The following ATP1A3 variants were observed in gnomAD, a reference collection of about 807,000 sequenced individuals.
ATP1A3 encodes the protein ATPase Na+/K+ transporting subunit alpha 3.
A neutral mutation model predicts 108.8 loss-of-function variants in ATP1A3; 12 were observed. The ratio of observed to expected loss-of-function variants is 0.11; its 90% CI spans 0.07 to 0.18. The LOEUF (loss-of-function observed/expected upper bound fraction) is 0.18, where lower values mean the gene tolerates loss of function less well. Ranked by LOEUF, ATP1A3 falls within the 10% of genes least tolerant of loss-of-function variation. ATP1A3 has a pLI of 1.00. For missense variants in ATP1A3, 498 were observed against 1,387.7 expected (o/e 0.36, Z 10.19); for synonymous variants, 539 against 564.5 (o/e 0.95, Z 0.64).
chr19:41,993,169 T>TC, intron 1 of ATP1A3: 1 of 97,776 alleles, frequency 1.0e-5, no homozygotes, highest in South Asian at 1.9e-4. Flanking sequence ...CCCCCTCCTC[T>TC]CCTGATTCCC....
In ATP1A3 at chr19:41,981,996, T is replaced by C. The variant is rs782440210; in HGVS notation, c.1104A>G (p.Thr368=). 2 of 1,614,206 alleles carry C rather than the reference T, an allele frequency of 1.2e-6. No individual in the cohort carries two copies. The highest frequency in any genetic ancestry group is 2.2e-5 in the South Asian group (2 of 91,088). The change falls in exon 9 of 23, where the codon ACA becomes ACG. Residue 368 remains threonine (T), a synonymous_variant. Transcript: ENST00000648268. The surrounding 1 kb of genome is among the most constrained non-coding windows in gnomAD (Gnocchi z 5.0). The part of the protein sequence containing the change: ...GSTSTICSDK[T]GTLTQNRMTV... ...TCATGCGGTTCTGAGTGAGGGTCCCTGTCTTATCTGAGCAGATGGTGGACG... is the reference window on the plus strand; with the variant it reads ...TCATGCGGTTCTGAGTGAGGGTCCCCGTCTTATCTGAGCAGATGGTGGACG...
Position 41,978,274 on chromosome 19 carries a change from G to A in ATP1A3, c.1683C>T (p.Phe561=), listed in dbSNP as rs781866390. 12 of 1,612,606 alleles carry A rather than the reference G, an allele frequency of 7.4e-6. No homozygotes were observed. The highest frequency in any genetic ancestry group is 4.5e-5 in the East Asian group (2 of 44,826). Residue 561 remains phenylalanine, a synonymous_variant, in exon 13 of 23, where the codon TTC becomes TTT. Coordinates refer to ENST00000648268, the MANE Select transcript of ATP1A3 (RefSeq NM_152296.5). The surrounding 1 kb of genome is among the most constrained non-coding windows in gnomAD (Gnocchi z 8.3). ...TGGTGAAGTTCACGTCATCACAGTC[G>A]AAGGCAAAGCCCTTGGGGAACTGCT... ...PEEQFPKGFA[F]DCDDVNFTTD...
intron 1 of ATP1A3, chr19:41,991,057 A>C (rs931851251): frequency 2.0e-5 from 3 of 150,898 alleles, no homozygotes; most frequent in Non-Finnish European, 4.4e-5. Context: ...TGAACTGCGC[A>C]TGGTGTGAGT....
At chr19:41,980,523 A>G (rs556742014) in intron 11 of ATP1A3, among the ~76,000 whole-genome samples, 1 of 152,284 alleles carries the variant, frequency 6.6e-6, no homozygotes, top group South Asian at 2.1e-4. Context: ...CTGAGATATG[A>G]GAATCACTTG....
chr19:41,977,851 G>C, intron 14 of ATP1A3, 85 bp downstream of exon 14: 1 of 1,562,778 alleles, frequency 6.4e-7, no homozygotes, highest in Non-Finnish European at 8.7e-7. Flanking sequence ...GACAGGCAGT[G>C]CAGAGGGAGG....
chr19:41,968,159 A>G lies in ATP1A3; in HGVS notation c.2820-396T>C, dbSNP rs142393795. Among the ~76,000 whole-genome samples the G allele has an allele frequency of 2.1e-3, 321 of 152,208 alleles. No homozygotes were observed. The highest frequency in any genetic ancestry group is 7.6e-3 in the African/African-American group (314 of 41,526). On this transcript the variant is annotated intron_variant, in intron 20 of 22. Coordinates refer to ENST00000648268, the MANE Select transcript of ATP1A3 (RefSeq NM_152296.5). The surrounding 1 kb of genome is among the most constrained non-coding windows in gnomAD (Gnocchi z 5.0). ...CCAGGGGCACCTCCACCACACACAC[A>G]GAGGCTGAGAGAGAATCTAGGACAC...
intron 1 of ATP1A3, among the ~76,000 whole-genome samples, chr19:41,991,732 G>A (rs1361478815): frequency 6.6e-6 from 1 of 151,970 alleles, no homozygotes; most frequent in Admixed American, 6.5e-5. Flanking sequence ...AGAGGCTGGG[G>A]TCCTGGATCC....
Position 41,988,407 on chromosome 19 carries a change from G to A in ATP1A3, c.94-30C>T. On this transcript the variant is annotated intron_variant, in intron 2 of 22. Coordinates refer to ENST00000648268, the MANE Select transcript of ATP1A3 (RefSeq NM_152296.5). The surrounding 1 kb of genome is among the most constrained non-coding windows in gnomAD (Gnocchi z 5.3). ...GGAACAGGAGTTTGGGGGAGACGGT[G>A]AGTGCCTAGGCCAGCCAAGAACTGG... 6.2e-7 allele frequency: 1 copy of A among 1,614,198 alleles called. No individual in the cohort carries two copies. Among genetic ancestry groups the A allele is most frequent in the South Asian group, 1.1e-5 (1 of 91,086 alleles).
chr19:41,970,593 C>CCCTCTGCCCCT (rs781998828), intron 16 of ATP1A3, 51 bp from the exon 17 acceptor site: 4 of 1,605,676 alleles, frequency 2.5e-6, no homozygotes, highest in Non-Finnish European at 3.4e-6. Flanking sequence ...GAGCCCCACT[C>CCCTCTGCCCCT]CCTCTGCCCC....
At chr19:41,972,857 G>A (rs868975386) in intron 16 of ATP1A3, among the ~76,000 whole-genome samples, 93 of 130,670 alleles carry the variant, frequency 7.1e-4, no homozygotes, top group African/African-American at 2.5e-3. Context: ...AAGGAAGGAA[G>A]GAAAGAAGGA....
chr19:41,982,185 C>T (rs144037496), intron 8 of ATP1A3, 79 bp from the exon 9 acceptor site: 43 of 1,609,132 alleles, frequency 2.7e-5, no homozygotes, highest in Non-Finnish European at 3.4e-5. Flanking sequence ...AGGGCCACAG[C>T]CCAGCTGCCC....
chr19:41,992,413 G>A (rs1307503693), intron 1 of ATP1A3, among the ~76,000 whole-genome samples: 1 of 152,136 alleles, frequency 6.6e-6, no homozygotes, highest in African/African-American at 2.4e-5. Context: ...GCAGCTCCTT[G>A]CCATTTTCCA....
At chr19:41,983,754 T>C (rs1256171129) in intron 8 of ATP1A3, among the ~76,000 whole-genome samples, 1 of 146,870 alleles carries the variant, frequency 6.8e-6, no homozygotes, top group African/African-American at 2.5e-5. Context: ...CACGCCTGGC[T>C]AATTTAAAAA....
At position 41,977,949 on chromosome 19, in the gene ATP1A3, G is replaced by C. The variant is rs1555861946; in HGVS notation, c.1930C>G (p.Gln644Glu). The C allele has an allele frequency of 6.2e-7, 1 of 1,614,120 alleles. No individual in the cohort carries two copies. Among genetic ancestry groups the C allele is most frequent in the African/African-American group, 1.3e-5 (1 of 74,952 alleles). ...TGGGTGGCTCACCGGGGGTTAACCTGGCTGACGGGAATGTTGAGCCGGGCG... is the reference window on the plus strand; with the variant it reads ...TGGGTGGCTCACCGGGGGTTAACCTCGCTGACGGGAATGTTGAGCCGGGCG... ...IAARLNIPVS[Q>E]VNPRDAKACV... is the part of the protein sequence containing the mutation. The change falls in exon 14 of 23, where the codon CAG becomes GAG. Residue 644 changes from glutamine (Q) to glutamate (E), a missense_variant. Around this residue, in one of 9 missense-constraint regions of ATP1A3, gnomAD observed 31 missense variants for 132.5 expected, o/e 0.23. Transcript: ENST00000648268.
In ATP1A3 at chr19:41,982,245, C is replaced by T. The variant is rs552237985; in HGVS notation, c.994-139G>A. ...TGGAAAAGAATGAGGCAGCACCCAG[C>T]AATGCCACCCCCAATTCAGACCAAT... On this transcript the variant is annotated intron_variant, in intron 8 of 22. Coordinates refer to ENST00000648268, the MANE Select transcript of ATP1A3 (RefSeq NM_152296.5). 6.5e-6 allele frequency: 9 copies of T among 1,382,954 alleles called. No homozygotes were observed. The East Asian group carries it at 1.8e-4, about 28-fold the overall frequency. 85.7% of individuals were successfully genotyped at this position (1,382,954 alleles called of 1,614,324 possible).
chr19:41,976,589 T>C, intron 14 of ATP1A3, 23 bp from the exon 15 acceptor site: 2 of 1,613,386 alleles, frequency 1.2e-6, no homozygotes, highest in Non-Finnish European at 1.7e-6. Flanking sequence ...GAGAGAGCGA[T>C]GGCTGAGGTC....
Position 41,985,434 on chromosome 19 carries a change from G to A in ATP1A3, c.607-11C>T, listed in dbSNP as rs1555865079. 2 of 1,610,718 alleles carry A rather than the reference G, an allele frequency of 1.2e-6. No individual in the cohort carries two copies. Among genetic ancestry groups the A allele is most frequent in the Admixed American group, 1.7e-5 (1 of 60,022 alleles). On this transcript the variant is annotated splice_polypyrimidine_tract_variant and intron_variant, in intron 6 of 22. Coordinates refer to ENST00000648268, the MANE Select transcript of ATP1A3 (RefSeq NM_152296.5). This position sits in a 1 kb window ranked among gnomAD's most constrained non-coding sequence, Gnocchi z 8.2. ...GGAGGAGTTGTCCACCTGGGGGTAG[G>A]TGCAGCAGAGAGAGGGTTCAGTCCA...
At position 41,985,215 on chromosome 19, in the gene ATP1A3, G is replaced by A. The variant is rs1208613214; in HGVS notation, c.725-29C>T. On this transcript the variant is annotated intron_variant, in intron 7 of 22. Coordinates refer to ENST00000648268, the MANE Select transcript of ATP1A3 (RefSeq NM_152296.5). This position sits in a 1 kb window ranked among gnomAD's most constrained non-coding sequence, Gnocchi z 8.2. ...CAGGCCAGAGGGGTTAGGCTGAGGT[G>A]GGGTGGCTCAGGGAGGTTCTGGAGG... 1 of 1,613,864 alleles carries A rather than the reference G, an allele frequency of 6.2e-7. No homozygotes were observed. Among genetic ancestry groups the A allele is most frequent in the Admixed American group, 1.7e-5 (1 of 59,986 alleles).
chr19:41,966,903 C>T lies in ATP1A3; in HGVS notation c.*34G>A, dbSNP rs1483131750. On this transcript the variant is annotated 3_prime_UTR_variant, in exon 23 of 23. Coordinates refer to ENST00000648268, the MANE Select transcript of ATP1A3 (RefSeq NM_152296.5). ...CAGGGGCGGTCCTGGGCCTGGGGGA[C>T]GGGGAAGAGATGGGCGATGTGGTGG... 2.1e-5 allele frequency: 32 copies of T among 1,549,532 alleles called. No homozygotes were observed. The South Asian group carries it at 2.4e-4, about 12-fold the overall frequency.
Sources: allele counts gnomAD v4.1 joint callset (sites outside exome capture counted in the v4.1 genomes callset), GRCh38; gene constraint gnomAD v4.1.1; regional missense constraint gnomAD v4.1.1; non-coding constraint Gnocchi (gnomAD v3.1); transcripts MANE v1.5; gene names NCBI Gene and HGNC (gene_info 2026-07-23, HGNC 2026-07-21).